Variants in MROH2B observed in about 807,000 individuals in gnomAD.
The protein encoded by MROH2B is maestro heat like repeat family member 2B, also known as maestro heat-like repeat-containing protein family member 2B.
A neutral mutation model predicts 208.6 loss-of-function variants in MROH2B; 177 were observed. The ratio of observed to expected loss-of-function variants is 0.85; its 90% confidence interval spans 0.75 to 0.96. MROH2B has a LOEUF of 0.96. Ranked by LOEUF, MROH2B falls within the 40% of genes least tolerant of loss-of-function variation. MROH2B has a pLI of 0.00. For synonymous variants in MROH2B, 728 were observed against 659.0 expected (o/e 1.10, Z -1.60); for missense variants, 2,002 against 1,878.7 (o/e 1.07, Z -1.21).
intron 30 of MROH2B, among the ~76,000 whole-genome samples, chr5:41,010,801 A>G (rs1204557103): frequency 3.3e-5 from 5 of 152,194 alleles, no homozygotes; most frequent in African/African-American, 9.7e-5. Flanking sequence ...CGATGTGTCA[A>G]TGTAGGTTTA....
Position 41,061,722 on chromosome 5 carries a change from G to A in MROH2B, c.463C>T (p.Leu155Phe). The change falls in exon 6 of 42, where the codon CTT (leucine) becomes TTT (phenylalanine). Residue 155 changes from leucine (L) to phenylalanine (F), a missense_variant and splice_region_variant. Leu to Phe is a conservative substitution (Grantham distance 22, BLOSUM62 0). Coordinates refer to ENST00000399564, the MANE Select transcript of MROH2B (RefSeq NM_173489.5). Reference protein sequence around the residue: ...ERMKGTFCIALEKFSKAIYKY... With the variant: ...ERMKGTFCIAFEKFSKAIYKY... ...TAAATGGCTTTGCTGAATTTCTCAA[G>A]GGCTGCATTTAAAACACACAACCAC... 1 of 1,613,324 alleles carries A rather than the reference G, an allele frequency of 6.2e-7. No individual in the cohort carries two copies. The highest frequency in any genetic ancestry group is 2.2e-5 in the East Asian group (1 of 44,858).
chr5:41,043,261 A>G (rs778646274), intron 18 of MROH2B, among the ~76,000 whole-genome samples: 22 of 152,354 alleles, frequency 1.4e-4, no homozygotes, highest in Non-Finnish European at 2.8e-4. Flanking sequence ...TCCCAGAGTG[A>G]CAGTGGCCTC....
chr5:41,061,569 C>A lies in MROH2B; in HGVS notation c.615+1G>T, dbSNP rs371753344. On this transcript the variant is annotated splice_donor_variant, in intron 6 of 41. Transcript: ENST00000399564. LOFTEE classifies it high-confidence loss of function. ...CTTGAGGCATCCTGAGGCCCACTCA[C>A]CTGCATGGGTGAGGCCAAAGGGGCC... 3.7e-6 allele frequency: 6 copies of A among 1,609,054 alleles called. No individual in the cohort carries two copies. The African/African-American group carries it at 6.7e-5, about 18-fold the overall frequency.
At chr5:41,047,543 TATGG>T (rs1192912059) in intron 17 of MROH2B, among the ~76,000 whole-genome samples, 174 bp downstream of exon 17, 1 of 152,188 alleles carries the variant, frequency 6.6e-6, no homozygotes, top group Non-Finnish European at 1.5e-5. Context: ...TAGTTCAAAT[TATGG>T]CTATTTAAAG....
chr5:41,024,612 A>G (rs1742283413), intron 24 of MROH2B, among the ~76,000 whole-genome samples: 1 of 152,222 alleles, frequency 6.6e-6, no homozygotes, highest in South Asian at 2.1e-4. Flanking sequence ...CACTGTCAAC[A>G]TTAGACAGAT....
chr5:41,035,627 G>GA (rs970405098), intron 21 of MROH2B, among the ~76,000 whole-genome samples: 1 of 151,458 alleles, frequency 6.6e-6, no homozygotes, highest in Non-Finnish European at 1.5e-5. Flanking sequence ...AACAAGCAAA[G>GA]AAAAAACAAC....
intron 24 of MROH2B, among the ~76,000 whole-genome samples, chr5:41,026,624 T>A (rs1039749804): frequency 6.6e-6 from 1 of 152,180 alleles, no homozygotes; most frequent in Non-Finnish European, 1.5e-5. Context: ...AGGTAATTTA[T>A]AGATTCAATG....
intron 19 of MROH2B, 37 bp from the exon 20 acceptor site, chr5:41,039,592 CATTT>C (rs1320069049): frequency 2.9e-6 from 4 of 1,393,960 alleles, no homozygotes; most frequent in Non-Finnish European, 4.0e-6. Context: ...TGAGTTTAAC[CATTT>C]ATTTATTCAA....
Position 41,045,840 on chromosome 5 carries a change from G to T in MROH2B, c.1742C>A (p.Ser581Tyr), listed in dbSNP as rs866767869. The T allele has an allele frequency of 1.4e-5, 22 of 1,611,448 alleles. No homozygotes were observed. The highest frequency in any genetic ancestry group is 1.8e-5 in the Non-Finnish European group (21 of 1,178,306). The change falls in exon 18 of 42, where the codon TCC becomes TAC. Residue 581 changes from serine (S) to tyrosine (Y), a missense_variant. Physicochemically the swap from Ser to Tyr is moderately radical, Grantham distance 144. Coordinates refer to ENST00000399564, the MANE Select transcript of MROH2B (RefSeq NM_173489.5). Reference protein sequence around the residue: ...ETMLLQLLKESLWKISDVAWT... With the variant: ...ETMLLQLLKEYLWKISDVAWT... The stretch of plus-strand genomic sequence containing the variant: ...GGCCACATCACTGATCTTCCATAAG[G>T]ATTCTTTGAGCAACTGTTGTAGGAA...
intron 29 of MROH2B, 73 bp downstream of exon 29, chr5:41,015,308 G>C: frequency 7.8e-7 from 1 of 1,286,760 alleles, no homozygotes; most frequent in East Asian, 2.4e-5. Context: ...CTTTGCAGTG[G>C]GGAGTATGTA....
In MROH2B at chr5:41,008,728, CA is replaced by C; in HGVS notation, c.3485del (p.Leu1162ArgfsTer6). The C allele has an allele frequency of 6.2e-7, 1 of 1,613,788 alleles. No homozygotes were observed. Among genetic ancestry groups the C allele is most frequent in the Non-Finnish European group, 8.5e-7 (1 of 1,179,822 alleles). ...TAACCAGCTTCAGGAGGAGAGTGAACAGCTCTGGATACAAGCCGGTGACAGA... is the reference window on the plus strand; with the variant it reads ...TAACCAGCTTCAGGAGGAGAGTGAACGCTCTGGATACAAGCCGGTGACAGA... ...GTSVTGLYPE[L>X]FTLLLKLVSC... On this transcript the variant is annotated frameshift_variant, in exon 33 of 42. Transcript: ENST00000399564. LOFTEE classifies it high-confidence loss of function.
intron 6 of MROH2B, 42 bp downstream of exon 6, chr5:41,061,528 A>G (rs1743637273): frequency 1.9e-6 from 3 of 1,547,586 alleles, no homozygotes; most frequent in Non-Finnish European, 2.6e-6. Context: ...TTCAACCAGC[A>G]TATAGGGACA....
chr5:41,059,631 G>T (rs1013727607), intron 6 of MROH2B, among the ~76,000 whole-genome samples: 2 of 152,152 alleles, frequency 1.3e-5, no homozygotes, highest in African/African-American at 2.4e-5. Flanking sequence ...CACTTGTCAA[G>T]ATTTTTCTTG....
intron 29 of MROH2B, 143 bp downstream of exon 29, chr5:41,015,238 T>C: frequency 1.5e-6 from 1 of 659,732 alleles, no homozygotes; most frequent in Non-Finnish European, 2.6e-6. Flanking sequence ...TAGGCATGTG[T>C]ACTCTAAGTT....
chr5:41,028,051 TG>T (rs1362105255), intron 24 of MROH2B, among the ~76,000 whole-genome samples: 2 of 136,076 alleles, frequency 1.5e-5, no homozygotes, highest in South Asian at 4.7e-4. Context: ...GGTGGGGGGA[TG>T]GGGGAGGGAT....
intron 20 of MROH2B, 27 bp downstream of exon 20, chr5:41,039,421 G>A (rs1742872265): frequency 1.4e-6 from 2 of 1,393,894 alleles, no homozygotes; most frequent in African/African-American, 2.9e-5. Flanking sequence ...GCAATACTGA[G>A]AATTTGAAGG....
At chr5:41,008,931 T>C in intron 32 of MROH2B, 138 bp from the exon 33 acceptor site, 6 of 899,318 alleles carry the variant, frequency 6.7e-6, no homozygotes, top group Non-Finnish European at 1.0e-5. Context: ...TGGAAATTTC[T>C]CAACTCAGGG....
chr5:41,058,676 G>C (rs776756247), intron 6 of MROH2B, among the ~76,000 whole-genome samples: 2 of 151,980 alleles, frequency 1.3e-5, no homozygotes, highest in African/African-American at 2.4e-5. Context: ...TTGAGACAGA[G>C]CTTTTCTATT....
chr5:41,067,276 T>C (rs1329974171), intron 2 of MROH2B, 58 bp from the exon 3 acceptor site: 1 of 886,862 alleles, frequency 1.1e-6, no homozygotes, highest in Non-Finnish European at 1.8e-6. Flanking sequence ...AGGAATCAAA[T>C]GAAATCCTAA....
Sources: allele counts gnomAD v4.1 joint callset (sites outside exome capture counted in the v4.1 genomes callset), GRCh38; gene constraint gnomAD v4.1.1; transcripts MANE v1.5; gene names NCBI Gene and HGNC (gene_info 2026-07-23, HGNC 2026-07-21).